POLR2E: variants seen among roughly 807,000 people sequenced by gnomAD.
POLR2E encodes RNA polymerase II, I and III subunit E.
A neutral mutation model predicts 29.8 loss-of-function variants in POLR2E; 35 were observed. The observed-to-expected ratio is 1.17, with a 90% CI of 0.90 to 1.55. The LOEUF (loss-of-function observed/expected upper bound fraction) is 1.55, where lower values mean the gene tolerates loss of function less well. POLR2E is among the 40% of genes most tolerant of loss of function. The pLI, the probability that POLR2E is intolerant of heterozygous loss-of-function variation, is 0.00. For synonymous variants in POLR2E, 174 were observed against 112.6 expected (o/e 1.55, Z -3.45); for missense variants, 287 against 288.6 (o/e 0.99, Z 0.04).
Position 1,087,798 on chromosome 19 carries a change from T to C in POLR2E, c.*937A>G, listed in dbSNP as rs1285657916. 3 of 151,956 alleles carry C rather than the reference T, an allele frequency of 2.0e-5. No homozygotes were observed. Among genetic ancestry groups the C allele is most frequent in the East Asian group, 1.9e-4 (1 of 5,314 alleles). The allele number at this position is 151,956 out of a possible 1,614,324, so 9.4% of individuals were successfully genotyped here. ...TTACAGACCACCGACCGCCCGAGGG[T>C]GAATTACATCTTAATAAAGCTACTG... On this transcript the variant is annotated 3_prime_UTR_variant, in exon 8 of 8. Coordinates refer to ENST00000615234, the MANE Select transcript of POLR2E (RefSeq NM_002695.5).
rs2043739495 is a variant in POLR2E at position 1,087,880 on chromosome 19, CAGTA to C, written c.*851_*854del. On this transcript the variant is annotated 3_prime_UTR_variant, in exon 8 of 8. Coordinates refer to ENST00000615234, the MANE Select transcript of POLR2E (RefSeq NM_002695.5). ...GCAGGCGAGGCCTTCTGAAATCAGACAGTAAGCAAACGGGGAAGTAGAGCCAGAT... is the reference window on the plus strand; with the variant it reads ...GCAGGCGAGGCCTTCTGAAATCAGACAGCAAACGGGGAAGTAGAGCCAGAT... The C allele has an allele frequency of 6.6e-6, 1 of 152,230 alleles. No homozygotes were observed. Among genetic ancestry groups the C allele is most frequent in the African/African-American group, 2.4e-5 (1 of 41,358 alleles). 9.4% of individuals were successfully genotyped at this position (152,230 alleles called of 1,614,324 possible).
At chr19:1,094,960 C>T (rs1350130818) in intron 1 of POLR2E, 5 of 497,956 alleles carry the variant, frequency 1.0e-5, no homozygotes, top group Non-Finnish European at 1.8e-5. Flanking sequence ...GGGGGCGCCC[C>T]CCGTCCCCAT....
In POLR2E at chr19:1,093,478, G is replaced by T. The variant is rs1170420905; in HGVS notation, c.232+426C>A. The stretch of plus-strand genomic sequence containing the variant: ...GCTGACAGGGGAGAGGGGGCATGGG[G>T]TGCGGAGGAATGGGCTGGGGCGGGC... On this transcript the variant is annotated intron_variant, in intron 2 of 7. Transcript: ENST00000615234. Among the ~76,000 whole-genome samples, 5 of 152,246 alleles carry T rather than the reference G, an allele frequency of 3.3e-5. No individual in the cohort carries two copies. In the South Asian group the frequency reaches 8.3e-4, roughly 25 times the overall value.
intron 2 of POLR2E, among the ~76,000 whole-genome samples, chr19:1,092,562 C>A (rs779893701): frequency 1.3e-5 from 2 of 151,996 alleles, no homozygotes; most frequent in African/African-American, 4.8e-5. Context: ...TTAGCCCACG[C>A]CCGCAGTCCC....
chr19:1,095,053 G>A (rs1341417298), intron 1 of POLR2E: 1 of 411,100 alleles, frequency 2.4e-6, no homozygotes, highest in African/African-American at 2.3e-5. Context: ...GCACCCAGAC[G>A]TCTCGAAACC....
At chr19:1,093,049 C>T (rs540649462) in intron 2 of POLR2E, among the ~76,000 whole-genome samples, 1 of 151,540 alleles carries the variant, frequency 6.6e-6, no homozygotes, top group South Asian at 2.1e-4. Context: ...ACTAGCCAGG[C>T]GTGGTGGTGG....
intron 2 of POLR2E, 52 bp downstream of exon 2, chr19:1,093,852 C>G (rs760154411): frequency 2.7e-6 from 4 of 1,508,720 alleles, no homozygotes; most frequent in Non-Finnish European, 1.8e-6. Flanking sequence ...ACCGGCTCCT[C>G]GGCAGGTGCT....
chr19:1,088,466 ACCAGCTGCCC>A lies in POLR2E; in HGVS notation c.*259_*268del, dbSNP rs2043758103. On this transcript the variant is annotated 3_prime_UTR_variant, in exon 8 of 8. Transcript: ENST00000615234. ...AGCGTGGTCTGGGTGAAGACCCGGC[ACCAGCTGCCC>A]CCAGGTGACCTCCCTCTGGGGGCCT... 1 of 152,300 alleles carries A rather than the reference ACCAGCTGCCC, an allele frequency of 6.6e-6. No homozygotes were observed. Among genetic ancestry groups the A allele is most frequent in the African/African-American group, 2.4e-5 (1 of 41,462 alleles). 9.4% of individuals were successfully genotyped at this position (152,300 alleles called of 1,614,324 possible).
Position 1,091,923 on chromosome 19 carries a change from G to A in POLR2E, c.233-16C>T, listed in dbSNP as rs769086332. The stretch of plus-strand genomic sequence containing the variant: ...TTGGGCTCCTCTGCAGACAGAGAGT[G>A]TGCTGGCCTGCACGAGCCTGGGCCC... On this transcript the variant is annotated splice_polypyrimidine_tract_variant and intron_variant, in intron 2 of 7. Transcript: ENST00000615234. The A allele has an allele frequency of 6.4e-7, 1 of 1,567,120 alleles. No individual in the cohort carries two copies. The highest frequency in any genetic ancestry group is 1.7e-5 in the Admixed American group (1 of 59,938).
Position 1,095,349 on chromosome 19 carries a change from T to C in POLR2E, c.-34A>G, listed in dbSNP as rs759848389. On this transcript the variant is annotated 5_prime_UTR_variant, in exon 1 of 8. Coordinates refer to ENST00000615234, the MANE Select transcript of POLR2E (RefSeq NM_002695.5). ...CCGCCGCCGCCGCCGCTCGCACCCC[T>C]TCTCCGCGCGAGAACCCGCGCGGAC... The C allele has an allele frequency of 5.0e-6, 8 of 1,611,652 alleles. No homozygotes were observed. The highest frequency in any genetic ancestry group is 4.5e-5 in the East Asian group (2 of 44,828).
Position 1,090,096 on chromosome 19 carries a change from A to T in POLR2E, c.479T>A (p.Leu160Gln). 1 of 1,612,484 alleles carries T rather than the reference A, an allele frequency of 6.2e-7. No individual in the cohort carries two copies. Among genetic ancestry groups the T allele is most frequent in the South Asian group, 1.1e-5 (1 of 91,076 alleles). The change falls in exon 5 of 8, where the codon CTG (leucine) becomes CAG (glutamine). Residue 160 changes from leucine (L) to glutamine (Q), a missense_variant. Physicochemically the swap from Leu to Gln is moderately radical, Grantham distance 113. Transcript: ENST00000615234. Reference protein sequence around the residue: ...VMTKEEVTELLARYKLRENQL... With the variant: ...VMTKEEVTELQARYKLRENQL... ...GGGCTGGAAAGGATACTATCGGGCC[A>T]GCAGCTCTGTCACCTCCTCCTTGGT...
At chr19:1,091,487 C>T (rs983341151) in intron 3 of POLR2E, 1 of 445,496 alleles carries the variant, frequency 2.2e-6, no homozygotes, top group African/African-American at 2.0e-5. Context: ...GATAAAGAAC[C>T]TCCGGCTCCT....
rs751334240 is a variant in POLR2E at position 1,093,876 on chromosome 19, CG to C, written c.232+27del. 22 of 1,542,026 alleles carry C rather than the reference CG, an allele frequency of 1.4e-5. No homozygotes were observed. The East Asian group carries it at 5.0e-4, about 35-fold the overall frequency. On this transcript the variant is annotated intron_variant, in intron 2 of 7. Coordinates refer to ENST00000615234, the MANE Select transcript of POLR2E (RefSeq NM_002695.5). ...TCGGCAGGTGCTCTGGTGGCTTCAC[CG>C]GAACTCCCCCGGGACCCGCTGCTCA...
intron 7 of POLR2E, 42 bp downstream of exon 7, chr19:1,089,430 G>A (rs898167186): frequency 4.4e-6 from 6 of 1,348,384 alleles, no homozygotes; most frequent in Non-Finnish European, 5.3e-6. Context: ...CGACACCCCT[G>A]CCTCTGACCC....
In POLR2E at chr19:1,090,714, G is replaced by T. The variant is rs192346671; in HGVS notation, c.429+194C>A. On this transcript the variant is annotated intron_variant, in intron 4 of 7. Transcript: ENST00000615234. Reference sequence around the variant, plus strand: ...ATTACATGTGTGAGCCACCGCGCCCGGCCGGGATCTGCATTTCTAGGAAGC... The same window carrying T: ...ATTACATGTGTGAGCCACCGCGCCCTGCCGGGATCTGCATTTCTAGGAAGC... Among the ~76,000 whole-genome samples, 4 of 152,076 alleles carry T rather than the reference G, an allele frequency of 2.6e-5. No individual in the cohort carries two copies. The East Asian group carries it at 5.8e-4, about 22-fold the overall frequency.
intron 3 of POLR2E, chr19:1,091,467 A>G (rs774908606): frequency 3.5e-5 from 14 of 399,616 alleles, no homozygotes; most frequent in Non-Finnish European, 6.5e-5. Flanking sequence ...CCCCCTGGAC[A>G]TCAGCTCAGG....
At chr19:1,092,946 G>A (rs908509458) in intron 2 of POLR2E, among the ~76,000 whole-genome samples, 1 of 150,904 alleles carries the variant, frequency 6.6e-6, no homozygotes, top group Non-Finnish European at 1.5e-5. Flanking sequence ...AGCACTTTGG[G>A]AGGCCGAGGC....
At chr19:1,090,781 A>C in intron 4 of POLR2E, 127 bp downstream of exon 4, 1 of 771,050 alleles carries the variant, frequency 1.3e-6, no homozygotes, top group Non-Finnish European at 2.0e-6. Context: ...ACCCTTTGAG[A>C]ACCCTGTCCT....
intron 6 of POLR2E, 96 bp downstream of exon 6, chr19:1,089,787 AT>A (rs1381501734): frequency 1.2e-5 from 12 of 1,041,872 alleles, no homozygotes; most frequent in African/African-American, 3.1e-5. Context: ...CAGGCCCTGG[AT>A]CAAGGGGGAG....
Sources: gnomAD v4.1 joint callset for allele counts (sites outside exome capture counted in the v4.1 genomes callset) on GRCh38, gnomAD v4.1.1 for gene constraint, MANE v1.5 for transcripts, NCBI Gene and HGNC (gene_info 2026-07-23, HGNC 2026-07-21) for gene names.